Variants in DET1 observed in about 807,000 individuals in gnomAD.
The protein encoded by DET1 is DET1 homolog.
DET1 carries 22 observed loss-of-function variants against 43.7 expected under a neutral mutation model. The ratio of observed to expected loss-of-function variants is 0.50; its 90% CI spans 0.36 to 0.72. The LOEUF is 0.72. DET1 is among the 30% of genes least tolerant of loss of function. The probability of loss-of-function intolerance (pLI) is 0.00; values close to 1 mark genes in which losing one functional copy is unlikely to be tolerated. For synonymous variants in DET1, 315 were observed against 266.2 expected (o/e 1.18, Z -1.79); for missense variants, 713 against 713.3 (o/e 1.00, Z 0.00).
intron 1 of DET1, among the ~76,000 whole-genome samples, chr15:88,543,399 T>G: frequency 6.6e-6 from 1 of 152,228 alleles, no homozygotes. Context: ...GATGCTTGCA[T>G]TTTACAATAT....
At chr15:88,540,533 T>C (rs1598350281) in intron 1 of DET1, among the ~76,000 whole-genome samples, 1 of 151,628 alleles carries the variant, frequency 6.6e-6, no homozygotes, top group African/African-American at 2.4e-5. Context: ...CAATGTATGC[T>C]GGAAAATTTT....
chr15:88,538,503 C>T (rs1430036577), intron 1 of DET1, among the ~76,000 whole-genome samples: 6 of 151,654 alleles, frequency 4.0e-5, no homozygotes, highest in African/African-American at 1.5e-4. Context: ...CTTCCTAAAC[C>T]AAGGTATAAA....
At chr15:88,541,368 G>T (rs542155779) in intron 1 of DET1, among the ~76,000 whole-genome samples, 2 of 151,594 alleles carry the variant, frequency 1.3e-5, no homozygotes, top group African/African-American at 4.8e-5. Flanking sequence ...GAACTCAGAG[G>T]CTGGCGGGAT....
At chr15:88,514,055 TC>T (rs1464418885) in intron 4 of DET1, among the ~76,000 whole-genome samples, 13 of 152,036 alleles carry the variant, frequency 8.6e-5, no homozygotes, top group Admixed American at 8.5e-4. Context: ...CGCCTCGGCC[TC>T]CCAAAGTGCT....
At chr15:88,542,188 C>T (rs983432562) in intron 1 of DET1, among the ~76,000 whole-genome samples, 5 of 152,098 alleles carry the variant, frequency 3.3e-5, no homozygotes, top group South Asian at 2.1e-4. Context: ...GGAGAGGGAG[C>T]GCATCTGAAG....
At chr15:88,508,849 G>A (rs185746284), downstream of DET1, among the ~76,000 whole-genome samples, 26 of 152,268 alleles carry the variant, frequency 1.7e-4, no homozygotes, top group African/African-American at 6.3e-4. Context: ...GTCAAAGCAG[G>A]ACTTTTTAAA....
chr15:88,502,247 A>T (rs2142240395), intron 8 of DET1: 1 of 152,352 alleles, frequency 6.6e-6, no homozygotes, highest in South Asian at 2.1e-4. Context: ...GGGCAAAGAG[A>T]CTGAATCTAA....
At chr15:88,515,801 G>A (rs932256261) in intron 4 of DET1, among the ~76,000 whole-genome samples, 1 of 152,006 alleles carries the variant, frequency 6.6e-6, no homozygotes, top group African/African-American at 2.4e-5. Flanking sequence ...GAAGGGGAGG[G>A]AGTAGGGGTC....
At chr15:88,525,962 C>A (rs143077273) in intron 3 of DET1, among the ~76,000 whole-genome samples, 181 of 151,872 alleles carry the variant, frequency 1.2e-3, no homozygotes, top group African/African-American at 4.2e-3. Flanking sequence ...AGGCATGAGC[C>A]ACCACACTCA....
In DET1 at chr15:88,513,097, C is replaced by T. The variant is rs774121152; in HGVS notation, c.1507G>A (p.Ala503Thr). ...TTGATGGGGCGGCCCAATAACCCCG[C>T]CTGGATCTCAAACTTGAGCAGGCCC... ...DSGLLKFEIQ[A>T]GLLGRPINHT... The change falls in exon 5 of 5, where the codon GCG (alanine) becomes ACG (threonine). Residue 503 changes from alanine to threonine, a missense_variant. Coordinates refer to ENST00000268148, the MANE Select transcript of DET1 (RefSeq NM_001144074.3). The T allele has an allele frequency of 3.1e-6, 5 of 1,613,846 alleles. No homozygotes were observed. In the South Asian group the frequency reaches 5.5e-5, roughly 18 times the overall value.
In DET1 at chr15:88,530,928, A is replaced by C. The variant is rs1389191382; in HGVS notation, c.778T>G (p.Cys260Gly). ...ACAGTGAGCAGGTCATCCTCATAGC[A>C]AAAGCGGCCAATGGTCCGCACATCA... ...FIDVRTIGRF[C>G]YEDDLLTVSA... Residue 260 changes from cysteine (C) to glycine (G), a missense_variant, in exon 2 of 5, where the codon TGC becomes GGC. Coordinates refer to ENST00000268148, the MANE Select transcript of DET1 (RefSeq NM_001144074.3). 6.2e-7 allele frequency: 1 copy of C among 1,613,926 alleles called. No individual in the cohort carries two copies. Among genetic ancestry groups the C allele is most frequent in the Non-Finnish European group, 8.5e-7 (1 of 1,179,904 alleles).
intron 1 of DET1, among the ~76,000 whole-genome samples, chr15:88,541,424 C>G (rs1350604075): frequency 6.6e-6 from 1 of 150,874 alleles, no homozygotes; most frequent in Non-Finnish European, 1.5e-5. Flanking sequence ...TTATTTCTTT[C>G]TCTATACTTT....
At position 88,530,876 on chromosome 15, in the gene DET1, C is replaced by A; in HGVS notation, c.830G>T (p.Arg277Leu). ...ATTGGCCATGCCTGTCTGACTGTCC[C>A]GCTGTACCTCAGGGAAAACAGCTGA... ...TVSAVFPEVQRDSQTGMANPF... is the reference protein window; with the variant it reads ...TVSAVFPEVQLDSQTGMANPF... The change falls in exon 2 of 5, where the codon CGG (arginine) becomes CTG (leucine). Residue 277 changes from arginine (R) to leucine (L), a missense_variant. Coordinates refer to ENST00000268148, the MANE Select transcript of DET1 (RefSeq NM_001144074.3). 1 of 1,613,986 alleles carries A rather than the reference C, an allele frequency of 6.2e-7. No individual in the cohort carries two copies.
At chr15:88,506,649 ACTGAGTTTAAGTTACT>A (rs1178426666) in intron 7 of DET1, among the ~76,000 whole-genome samples, 8 of 152,206 alleles carry the variant, frequency 5.3e-5, no homozygotes, top group African/African-American at 1.9e-4. Context: ...ACACTTCATG[ACTGAGTTTAAGTTACT>A]CTGTGTACTT....
downstream of DET1, among the ~76,000 whole-genome samples, chr15:88,511,074 G>A (rs1004745264): frequency 6.6e-6 from 1 of 152,104 alleles, no homozygotes; most frequent in African/African-American, 2.4e-5. Flanking sequence ...GCCTGGCTGA[G>A]CATTTGTATT....
In DET1 at chr15:88,531,601, G is replaced by A. The variant is rs975124620; in HGVS notation, c.105C>T (p.His35=). ...GATGGAACACTCGGACTTGGTGCCA[G>A]TGGGTACCTGCCTTGCCTGAACTGA... The part of the protein sequence containing the change: ...RRISSGKAGT[H]WHQVRVFHQN... Residue 35 remains histidine, a synonymous_variant, in exon 2 of 5, where the codon CAC becomes CAT. Coordinates refer to ENST00000268148, the MANE Select transcript of DET1 (RefSeq NM_001144074.3). The surrounding 1 kb of genome is among the most constrained non-coding windows in gnomAD (Gnocchi z 6.2). The A allele has an allele frequency of 1.9e-6, 3 of 1,614,062 alleles. No homozygotes were observed. Among genetic ancestry groups the A allele is most frequent in the Non-Finnish European group, 2.5e-6 (3 of 1,179,894 alleles).
intron 7 of DET1, among the ~76,000 whole-genome samples, chr15:88,507,021 T>C (rs559511058): frequency 6.6e-6 from 1 of 152,342 alleles, no homozygotes; most frequent in South Asian, 2.1e-4. Context: ...CCTTAAATCC[T>C]TTAGGAATAA....
intron 3 of DET1, among the ~76,000 whole-genome samples, chr15:88,519,789 GA>G (rs1395296685): frequency 6.6e-6 from 1 of 152,128 alleles, no homozygotes; most frequent in Non-Finnish European, 1.5e-5. Context: ...CATGGCTGTA[GA>G]AAAAACATAC....
intron 1 of DET1, among the ~76,000 whole-genome samples, chr15:88,533,414 A>G (rs1048768234): frequency 2.6e-5 from 4 of 152,240 alleles, no homozygotes; most frequent in Non-Finnish European, 4.4e-5. Flanking sequence ...CATAAGATCC[A>G]ACAATTCTAC....
Sources: gnomAD v4.1 joint callset for allele counts (sites outside exome capture counted in the v4.1 genomes callset) on GRCh38, gnomAD v4.1.1 for gene constraint, Gnocchi (gnomAD v3.1) non-coding constraint, MANE v1.5 for transcripts, NCBI Gene and HGNC (gene_info 2026-07-23, HGNC 2026-07-21) for gene names.